The following TACR1 variants were observed in gnomAD, a reference collection of about 807,000 sequenced individuals.
The protein encoded by TACR1 is tachykinin receptor 1, also known as substance-P receptor.
A neutral mutation model predicts 35.8 loss-of-function variants in TACR1; 25 were observed. The ratio of observed to expected loss-of-function variants is 0.70; its 90% CI spans 0.51 to 0.98. The LOEUF (loss-of-function observed/expected upper bound fraction) is 0.98. Ranked by LOEUF, TACR1 falls within the 50% of genes least tolerant of loss-of-function variation. The pLI is 0.00. For synonymous variants in TACR1, 195 were observed against 206.7 expected, an observed-to-expected ratio of 0.94 and a Z score of 0.48; for missense variants, 478 against 522.9, an observed-to-expected ratio of 0.91 and a Z score of 0.84.
At chr2:75,171,818 C>A (rs1486478451) in intron 1 of TACR1, among the ~76,000 whole-genome samples, 2 of 152,202 alleles carry the variant, frequency 1.3e-5, no homozygotes, top group African/African-American at 4.8e-5. Flanking sequence ...TGCCTTTATC[C>A]CCGTTGTATC....
chr2:75,055,085 A>G (rs192998916), intron 2 of TACR1, among the ~76,000 whole-genome samples: 97 of 152,280 alleles, frequency 6.4e-4, no homozygotes, highest in African/African-American at 2.3e-3. Flanking sequence ...AATGGAGAAA[A>G]GCCACCCAAT....
intron 1 of TACR1, among the ~76,000 whole-genome samples, chr2:75,170,386 A>T (rs924149311): frequency 1.3e-5 from 2 of 152,222 alleles, no homozygotes; most frequent in African/African-American, 4.8e-5. Context: ...ACTGTGAGTC[A>T]ATTAAACCTC....
intron 2 of TACR1, among the ~76,000 whole-genome samples, chr2:75,067,968 A>C (rs1429267077): frequency 1.3e-5 from 2 of 152,196 alleles, no homozygotes; most frequent in Non-Finnish European, 2.9e-5. Context: ...TTGGTTAGAC[A>C]TGCAAGCCTG....
At chr2:75,149,873 G>T (rs962004799) in intron 1 of TACR1, among the ~76,000 whole-genome samples, 5 of 152,034 alleles carry the variant, frequency 3.3e-5, no homozygotes, top group Non-Finnish European at 7.4e-5. Flanking sequence ...ATTAGCTGTG[G>T]GTGTGTCATA....
chr2:75,156,224 G>A (rs1204893500), intron 1 of TACR1: 1 of 152,100 alleles, frequency 6.6e-6, no homozygotes, highest in Non-Finnish European at 1.5e-5. Flanking sequence ...GAGACATACA[G>A]AGGACAAGGC....
chr2:75,121,369 C>T (rs936232985), intron 1 of TACR1, among the ~76,000 whole-genome samples: 10 of 152,238 alleles, frequency 6.6e-5, no homozygotes, highest in African/African-American at 1.4e-4. Context: ...ATACATACTT[C>T]GTGAAGAGAA....
chr2:75,084,126 T>C (rs1290887878), intron 2 of TACR1, among the ~76,000 whole-genome samples: 1 of 152,238 alleles, frequency 6.6e-6, no homozygotes, highest in East Asian at 1.9e-4. Context: ...ATTGAGAGTT[T>C]TTAGCATGAA....
chr2:75,186,457 T>G (rs2104066798), intron 1 of TACR1, among the ~76,000 whole-genome samples: 1 of 151,824 alleles, frequency 6.6e-6, no homozygotes, highest in East Asian at 1.9e-4. Context: ...GGCAGTGAGA[T>G]GAGCGTTGAT....
At chr2:75,120,536 C>T (rs1673946182) in intron 2 of TACR1, 38 bp downstream of exon 2, 3 of 1,543,732 alleles carry the variant, frequency 1.9e-6, no homozygotes, top group Non-Finnish European at 2.6e-6. Context: ...GCAGCCTGCA[C>T]CATCGTTTCT....
intron 2 of TACR1, among the ~76,000 whole-genome samples, chr2:75,069,895 A>G (rs1431362696): frequency 6.6e-6 from 1 of 152,142 alleles, no homozygotes; most frequent in Non-Finnish European, 1.5e-5. Context: ...TCCACTGTGA[A>G]GACACTCTTT....
intron 2 of TACR1, among the ~76,000 whole-genome samples, chr2:75,117,507 G>A (rs563977122): frequency 6.6e-6 from 1 of 152,256 alleles, no homozygotes; most frequent in South Asian, 2.1e-4. Context: ...ACATTCACTA[G>A]ACCCTTACCC....
chr2:75,058,312 G>A (rs1203197420), intron 2 of TACR1, among the ~76,000 whole-genome samples: 1 of 152,132 alleles, frequency 6.6e-6, no homozygotes, highest in Non-Finnish European at 1.5e-5. Flanking sequence ...CTATTTATAT[G>A]TATATATTTG....
At chr2:75,153,554 G>C (rs998208105) in intron 1 of TACR1, among the ~76,000 whole-genome samples, 4 of 152,174 alleles carry the variant, frequency 2.6e-5, no homozygotes, top group African/African-American at 9.7e-5. Flanking sequence ...GTCTCTTCCA[G>C]ATCTGATGAC....
intron 2 of TACR1, among the ~76,000 whole-genome samples, chr2:75,063,728 A>C (rs1672710578): frequency 6.6e-6 from 1 of 152,194 alleles, no homozygotes; most frequent in South Asian, 2.1e-4. Flanking sequence ...ATGGCAGTAC[A>C]AATCTCCTCT....
At chr2:75,054,762 A>C (rs1196791490) in intron 2 of TACR1, among the ~76,000 whole-genome samples, 2 of 152,126 alleles carry the variant, frequency 1.3e-5, no homozygotes, top group East Asian at 3.9e-4. Flanking sequence ...AATAATAATA[A>C]TACTAGGAAG....
At chr2:75,166,052 T>TC (rs770449851) in intron 1 of TACR1, among the ~76,000 whole-genome samples, 8 of 152,228 alleles carry the variant, frequency 5.3e-5, no homozygotes, top group Non-Finnish European at 5.9e-5. Context: ...GGGATACTTT[T>TC]CCCCTCACTG....
Position 75,075,354 on chromosome 2 carries a change from A to G in TACR1, c.585-21599T>C, listed in dbSNP as rs182909347. ...ATTCGTGCACCTACTTTGGAAAACA[A>G]TTATCTTACAAAGTTGAACATGTGC... is the stretch of plus-strand genomic sequence containing the variant. On this transcript the variant is annotated intron_variant, in intron 2 of 4. Coordinates refer to ENST00000305249, the MANE Select transcript of TACR1 (RefSeq NM_001058.4). Among the ~76,000 whole-genome samples, 152 of 152,340 alleles carry G rather than the reference A, an allele frequency of 1.0e-3. 1 individual carries two copies. The highest frequency in any genetic ancestry group is 7.5e-3 in the Admixed American group (115 of 15,308).
chr2:75,198,959 A>G lies in TACR1; in HGVS notation c.-25T>C. 9 of 1,607,472 alleles carry G rather than the reference A, an allele frequency of 5.6e-6. No individual in the cohort carries two copies. Among genetic ancestry groups the G allele is most frequent in the Non-Finnish European group, 7.6e-6 (9 of 1,177,490 alleles). ...TTTCGAAGCTAGGCGGTAAAGCCCT[A>G]CTATCTGTACACAACCCCCCTCTGC... On this transcript the variant is annotated 5_prime_UTR_variant, in exon 1 of 5. Coordinates refer to ENST00000305249, the MANE Select transcript of TACR1 (RefSeq NM_001058.4).
intron 1 of TACR1, among the ~76,000 whole-genome samples, chr2:75,171,320 A>G (rs1009347572): frequency 1.3e-5 from 2 of 152,228 alleles, no homozygotes; most frequent in African/African-American, 4.8e-5. Context: ...ACAAAAGTCA[A>G]GAATTGATGT....
Sources: gnomAD v4.1 joint callset for allele counts (sites outside exome capture counted in the v4.1 genomes callset) on GRCh38, gnomAD v4.1.1 for gene constraint, MANE v1.5 for transcripts, NCBI Gene and HGNC (gene_info 2026-07-23, HGNC 2026-07-21) for gene names.